The following ARID1B variants were observed in gnomAD, a reference collection of about 807,000 sequenced individuals.
ARID1B encodes AT-rich interaction domain 1B.
ARID1B carries 30 observed loss-of-function variants against 212.3 expected under a neutral mutation model. The observed-to-expected ratio is 0.14, with a 90% confidence interval of 0.11 to 0.19. ARID1B has a LOEUF of 0.19. Among genes scored for constraint, ARID1B ranks in the 10% least tolerant of loss-of-function variants. The pLI, the probability that ARID1B is intolerant of heterozygous loss-of-function variation, is 1.00. For synonymous variants in ARID1B, 1,402 were observed against 1,301.7 expected (o/e 1.08, Z -1.66); for missense variants, 2,891 against 3,204.0 (o/e 0.90, Z 2.36).
At chr6:156,874,574 C>A (rs906098982) in intron 2 of ARID1B, among the ~76,000 whole-genome samples, 4 of 152,212 alleles carry the variant, frequency 2.6e-5, no homozygotes, top group Non-Finnish European at 4.4e-5. Context: ...CATCTGCAGT[C>A]CCCTTTTCAG....
chr6:157,106,451 G>C (rs1786491919), intron 5 of ARID1B, among the ~76,000 whole-genome samples: 1 of 152,172 alleles, frequency 6.6e-6, no homozygotes, highest in Non-Finnish European at 1.5e-5. Context: ...GCAGTTGCTG[G>C]AGTGAGGTCC....
At chr6:157,068,089 A>G (rs538990315) in intron 4 of ARID1B, among the ~76,000 whole-genome samples, 80 of 152,378 alleles carry the variant, frequency 5.3e-4, no homozygotes, top group Middle Eastern at 3.4e-3. Flanking sequence ...GTGATTTCAC[A>G]AAACATTCTG....
intron 6 of ARID1B, chr6:157,110,768 G>A: frequency 1.7e-6 from 1 of 604,412 alleles, no homozygotes; most frequent in Non-Finnish European, 2.9e-6. Context: ...TGTGGTCAAA[G>A]TACAGTTCAA....
chr6:157,155,617 G>T (rs1451047905), intron 8 of ARID1B, among the ~76,000 whole-genome samples: 1 of 152,134 alleles, frequency 6.6e-6, no homozygotes, highest in Non-Finnish European at 1.5e-5. Flanking sequence ...AAAAACTAGG[G>T]TCACTGAAAT....
chr6:156,880,038 A>C (rs1583204365), intron 2 of ARID1B, among the ~76,000 whole-genome samples: 1 of 152,190 alleles, frequency 6.6e-6, no homozygotes, highest in African/African-American at 2.4e-5. Flanking sequence ...GGCTTCTGGG[A>C]GCCCAGATGC....
At chr6:156,943,301 C>G (rs1237510466) in intron 4 of ARID1B, 1 of 152,142 alleles carries the variant, frequency 6.6e-6, no homozygotes, top group Non-Finnish European at 1.5e-5. Context: ...CTCCCACCCC[C>G]TAGCTTCAGG....
At chr6:157,039,743 C>CCTT (rs1781686903) in intron 4 of ARID1B, among the ~76,000 whole-genome samples, 1 of 92,022 alleles carries the variant, frequency 1.1e-5, no homozygotes, top group African/African-American at 5.0e-5. Flanking sequence ...CTCCCTCCCT[C>CCTT]CCTTCCTTCC....
chr6:157,090,161 AT>A (rs1011106762), intron 5 of ARID1B, among the ~76,000 whole-genome samples: 2 of 151,914 alleles, frequency 1.3e-5, no homozygotes, highest in African/African-American at 4.9e-5. Context: ...AAAATTTTTT[AT>A]TTTATTGGCC....
intron 4 of ARID1B, among the ~76,000 whole-genome samples, chr6:157,013,130 C>T (rs1303271606): frequency 1.3e-5 from 2 of 152,360 alleles, no homozygotes; most frequent in Admixed American, 6.5e-5. Context: ...CCGCCCGCCT[C>T]GGCCTCCCAA....
intron 2 of ARID1B, among the ~76,000 whole-genome samples, chr6:156,881,215 T>C (rs1787062720): frequency 6.6e-6 from 1 of 152,218 alleles, no homozygotes; most frequent in Non-Finnish European, 1.5e-5. Context: ...AGCTGATTTC[T>C]GTTAATTACG....
intron 2 of ARID1B, chr6:156,871,677 A>C (rs1428182400): frequency 6.2e-7 from 1 of 1,608,654 alleles, no homozygotes; most frequent in East Asian, 2.2e-5. Context: ...ACATGCTCTT[A>C]CTTGCTCCAA....
rs1424827313 is a variant in ARID1B, at chr6:157,003,884, G to C, written c.2247+68308G>C. The stretch of plus-strand genomic sequence containing the variant: ...AAAAAAAATTTTTTTTTTTCACTTT[G>C]GCCGAGAGTTCAAGGCGAGGCAAGA... On this transcript the variant is annotated intron_variant, in intron 4 of 19. Transcript: ENST00000636930. Among the ~76,000 whole-genome samples, 83 of 151,438 alleles carry C rather than the reference G, an allele frequency of 5.5e-4. 1 individual carries two copies. The highest frequency in any genetic ancestry group is 3.9e-4 in the East Asian group (2 of 5,126).
intron 4 of ARID1B, among the ~76,000 whole-genome samples, chr6:157,039,674 C>CTTCCTTCCTTCTTTCTTTCTTTCT (rs1781641696): frequency 6.5e-5 from 5 of 77,004 alleles, no homozygotes; most frequent in African/African-American, 3.1e-4. Flanking sequence ...TCCTTCCTTC[C>CTTCCTTCCTTCTTTCTTTCTTTCT]TTCCTTCCTT....
intron 3 of ARID1B, among the ~76,000 whole-genome samples, chr6:156,920,638 C>T (rs1790705617): frequency 6.6e-6 from 1 of 151,980 alleles, no homozygotes; most frequent in Admixed American, 6.6e-5. Context: ...GCAGTGGTCA[C>T]CTTTTTCTTT....
At chr6:156,899,153 T>G (rs1161676124) in intron 2 of ARID1B, among the ~76,000 whole-genome samples, 4 of 152,224 alleles carry the variant, frequency 2.6e-5, no homozygotes, top group Non-Finnish European at 4.4e-5. Context: ...GCAGGGCATC[T>G]ATATGACTTA....
chr6:156,913,086 A>T (rs543664848), intron 3 of ARID1B, among the ~76,000 whole-genome samples: 14 of 151,184 alleles, frequency 9.3e-5, no homozygotes, highest in Non-Finnish European at 1.8e-4. Flanking sequence ...ACTGTGTACA[A>T]TGTGATGTTT....
intron 4 of ARID1B, chr6:156,985,685 C>T (rs1431994614): frequency 1.3e-5 from 2 of 152,160 alleles, no homozygotes; most frequent in Non-Finnish European, 2.9e-5. Context: ...AAAACTTTCA[C>T]ACATGTATTG....
chr6:157,052,653 A>T (rs995169455), intron 4 of ARID1B, among the ~76,000 whole-genome samples: 5 of 152,260 alleles, frequency 3.3e-5, no homozygotes, highest in African/African-American at 1.2e-4. Flanking sequence ...AAAGAATTTA[A>T]GAAATGGACA....
At chr6:156,838,620 T>G (rs893643234) in intron 2 of ARID1B, among the ~76,000 whole-genome samples, 1 of 151,940 alleles carries the variant, frequency 6.6e-6, no homozygotes, top group Admixed American at 6.6e-5. Flanking sequence ...ATGTAAATGA[T>G]GAGTTGATGG....
Sources: gnomAD v4.1 joint callset for allele counts (sites outside exome capture counted in the v4.1 genomes callset) on GRCh38, gnomAD v4.1.1 for gene constraint, MANE v1.5 for transcripts, NCBI Gene and HGNC (gene_info 2026-07-23, HGNC 2026-07-21) for gene names.